Variants in MYO3A observed in about 807,000 individuals in gnomAD.
MYO3A encodes myosin IIIA, also known as myosin-IIIa.
In MYO3A, 180 loss-of-function variants were observed where a neutral mutation model predicts 192.7. That is an observed-to-expected ratio of 0.93 (90% CI 0.83 to 1.06). The LOEUF (loss-of-function observed/expected upper bound fraction) is 1.06, where lower values mean the gene tolerates loss of function less well. MYO3A is among the 50% of genes least tolerant of loss of function. The pLI is 0.00. For synonymous variants in MYO3A, 628 were observed against 645.3 expected (o/e 0.97, Z 0.41); for missense variants, 1,896 against 1,905.0 (o/e 1.00, Z 0.09).
At chr10:26,036,314 A>T (rs1436551772) in intron 10 of MYO3A, among the ~76,000 whole-genome samples, 1 of 152,190 alleles carries the variant, frequency 6.6e-6, no homozygotes, top group African/African-American at 2.4e-5. Flanking sequence ...TATCTAACTT[A>T]TCCTTGAAAT....
At chr10:26,164,605 G>T (rs1003932295) in intron 26 of MYO3A, among the ~76,000 whole-genome samples, 5 of 152,270 alleles carry the variant, frequency 3.3e-5, no homozygotes, top group Middle Eastern at 6.8e-3. Flanking sequence ...CACTGGTCAG[G>T]ATCCAGAGCT....
At chr10:26,030,565 G>A (rs906657956) in intron 10 of MYO3A, among the ~76,000 whole-genome samples, 331 of 152,276 alleles carry the variant, frequency 2.2e-3, no homozygotes, top group African/African-American at 7.7e-3. Context: ...AACAAAAGCT[G>A]TCTTCTTGAA....
chr10:26,100,683 A>G (rs1837385085), intron 17 of MYO3A, among the ~76,000 whole-genome samples: 1 of 152,172 alleles, frequency 6.6e-6, no homozygotes. Context: ...CAGGTTGTTC[A>G]GTTTCCATGT....
chr10:26,112,309 T>C (rs761541021), intron 17 of MYO3A, among the ~76,000 whole-genome samples: 1 of 152,192 alleles, frequency 6.6e-6, no homozygotes, highest in Non-Finnish European at 1.5e-5. Flanking sequence ...TCAAGGTGAT[T>C]CTCCGAGGGT....
chr10:26,047,348 G>T lies in MYO3A; in HGVS notation c.954-19627G>T, dbSNP rs528570933. Among the ~76,000 whole-genome samples the T allele has an allele frequency of 2.0e-5, 3 of 152,210 alleles. No homozygotes were observed. The East Asian group carries it at 5.8e-4, about 29-fold the overall frequency. On this transcript the variant is annotated intron_variant, in intron 10 of 34. Transcript: ENST00000642920. ...AAAAAAGACACATATAACCTAAAGG[G>T]TTATCAAGAGCTTTAACCTACATTA...
chr10:26,110,121 G>A (rs1838070585), intron 17 of MYO3A, among the ~76,000 whole-genome samples: 1 of 152,134 alleles, frequency 6.6e-6, no homozygotes, highest in South Asian at 2.1e-4. Context: ...TGACTTTTTG[G>A]CTTAAAAGTA....
chr10:26,189,837 G>GAGC (rs200844729), intron 31 of MYO3A, among the ~76,000 whole-genome samples: 3,793 of 152,148 alleles, frequency 0.025, 147 homozygotes, highest in African/African-American at 0.087. Flanking sequence ...AGGCTGAGGC[G>GAGC]AGATCACCTG....
intron 4 of MYO3A, among the ~76,000 whole-genome samples, chr10:25,967,780 TAAAAA>T (rs1838353747): frequency 6.6e-6 from 1 of 152,138 alleles, no homozygotes; most frequent in East Asian, 1.9e-4. Flanking sequence ...TTCTAAAACT[TAAAAA>T]TATAATATAT....
chr10:26,102,200 G>T (rs1588958664), intron 17 of MYO3A, among the ~76,000 whole-genome samples: 1 of 152,142 alleles, frequency 6.6e-6, no homozygotes, highest in East Asian at 1.9e-4. Context: ...AGCTACTGAA[G>T]CTTTTGCATG....
At chr10:25,956,752 A>C (rs1331657948) in intron 4 of MYO3A, among the ~76,000 whole-genome samples, 2 of 151,974 alleles carry the variant, frequency 1.3e-5, no homozygotes, top group Admixed American at 1.3e-4. Context: ...CCTTTTAAAA[A>C]ATTTTAAGTA....
At chr10:25,982,107 C>T (rs1279793229) in intron 4 of MYO3A, among the ~76,000 whole-genome samples, 1 of 152,104 alleles carries the variant, frequency 6.6e-6, no homozygotes, top group African/African-American at 2.4e-5. Flanking sequence ...CTGGGTGAGG[C>T]TTGTGCATGC....
chr10:26,096,753 TTGAG>T, intron 17 of MYO3A, 71 bp downstream of exon 17: 4 of 1,073,034 alleles, frequency 3.7e-6, no homozygotes, highest in Non-Finnish European at 2.9e-6. Context: ...AGAGCATTTA[TTGAG>T]TGATTAATAT....
At position 25,998,808 on chromosome 10, in the gene MYO3A, T is replaced by C. The variant is rs981724694; in HGVS notation, c.508+1550T>C. Among the ~76,000 whole-genome samples, 3 of 152,196 alleles carry C rather than the reference T, an allele frequency of 2.0e-5. No individual in the cohort carries two copies. The East Asian group carries it at 5.8e-4, about 29-fold the overall frequency. On this transcript the variant is annotated intron_variant, in intron 6 of 34. Coordinates refer to ENST00000642920, the MANE Select transcript of MYO3A (RefSeq NM_017433.5). ...TTGGTAAACCAGAAGCTTTGAGAAATGTAAATTCCTATGATTTCCTCCAAA... is the reference window on the plus strand; with the variant it reads ...TTGGTAAACCAGAAGCTTTGAGAAACGTAAATTCCTATGATTTCCTCCAAA...
At chr10:26,186,820 T>A (rs1224620990) in intron 31 of MYO3A, among the ~76,000 whole-genome samples, 1 of 152,220 alleles carries the variant, frequency 6.6e-6, no homozygotes, top group Non-Finnish European at 1.5e-5. Context: ...AAATATAGCC[T>A]TCCAAGTCTA....
At chr10:25,963,059 C>G (rs1332866646) in intron 4 of MYO3A, among the ~76,000 whole-genome samples, 1 of 152,204 alleles carries the variant, frequency 6.6e-6, no homozygotes, top group African/African-American at 2.4e-5. Flanking sequence ...GCTCCTTTCA[C>G]AGTGGTGCTA....
chr10:25,996,454 T>C, intron 4 of MYO3A, 36 bp from the exon 5 acceptor site: 1 of 1,545,234 alleles, frequency 6.5e-7, no homozygotes, highest in South Asian at 1.1e-5. Context: ...AAATGTCACA[T>C]GTTTTTAATA....
At chr10:26,150,866 T>C (rs1238922240) in intron 23 of MYO3A, among the ~76,000 whole-genome samples, 1 of 152,154 alleles carries the variant, frequency 6.6e-6, no homozygotes, top group Non-Finnish European at 1.5e-5. Context: ...TTATTTTGTT[T>C]CCTTTTTTCA....
intron 10 of MYO3A, among the ~76,000 whole-genome samples, chr10:26,040,425 GGAGGGATGCTGTGTTTTCTAGGATTT>G (rs755361092): frequency 1.1e-4 from 16 of 152,174 alleles, no homozygotes; most frequent in Non-Finnish European, 1.5e-4. Context: ...AACATCACTT[GGAGGGATGCTGTGTTTTCTAGGATTT>G]GACATTTTCA....
At chr10:26,198,523 A>C (rs1015753957) in intron 32 of MYO3A, among the ~76,000 whole-genome samples, 1 of 152,180 alleles carries the variant, frequency 6.6e-6, no homozygotes, top group East Asian at 1.9e-4. Context: ...GGCCACTCCA[A>C]AGTCTTTTTC....
Sources: gnomAD v4.1 joint callset for allele counts (sites outside exome capture counted in the v4.1 genomes callset) on GRCh38, gnomAD v4.1.1 for gene constraint, MANE v1.5 for transcripts, NCBI Gene and HGNC (gene_info 2026-07-23, HGNC 2026-07-21) for gene names.